Variants in SLC4A5 observed in about 807,000 individuals in gnomAD.
The protein encoded by SLC4A5 is solute carrier family 4 member 5.
A neutral mutation model predicts 120.4 loss-of-function variants in SLC4A5; 96 were observed. The ratio of observed to expected loss-of-function variants is 0.80; its 90% confidence interval spans 0.68 to 0.94. The LOEUF (loss-of-function observed/expected upper bound fraction) is 0.94, where lower values mean the gene tolerates loss of function less well. Among genes scored for constraint, SLC4A5 ranks in the 40% least tolerant of loss-of-function variants. The probability of loss-of-function intolerance (pLI) is 0.00; values close to 1 mark genes in which losing one functional copy is unlikely to be tolerated. For synonymous variants in SLC4A5, 550 were observed against 571.1 expected (o/e 0.96, Z 0.53); for missense variants, 1,259 against 1,459.5 (o/e 0.86, Z 2.24).
chr2:74,220,371 C>T (rs975755149), intron 30 of SLC4A5, among the ~76,000 whole-genome samples: 1 of 152,220 alleles, frequency 6.6e-6, no homozygotes, highest in Non-Finnish European at 1.5e-5. Context: ...CTGATGTTGG[C>T]TTTCCTCCAT....
At chr2:74,278,084 T>C (rs190336328) in intron 8 of SLC4A5, among the ~76,000 whole-genome samples, 107 of 152,296 alleles carry the variant, frequency 7.0e-4, no homozygotes, top group African/African-American at 2.5e-3. Context: ...TATACATGAA[T>C]AGGTAAATCA....
At chr2:74,328,137 T>C in exon 5 of SLC4A5, 1 of 985,918 alleles carries the variant, frequency 1.0e-6, no homozygotes, top group Non-Finnish European at 1.2e-6. Context: ...TTCTTAGCTC[T>C]GGAAACCAGG....
chr2:74,248,717 T>C (rs532009354), intron 17 of SLC4A5, among the ~76,000 whole-genome samples: 1 of 152,350 alleles, frequency 6.6e-6, no homozygotes, highest in South Asian at 2.1e-4. Flanking sequence ...TGTGACTTCC[T>C]TCTGGCACCC....
chr2:74,272,823 C>T (rs113040469), intron 8 of SLC4A5, among the ~76,000 whole-genome samples: 8 of 152,312 alleles, frequency 5.3e-5, no homozygotes, highest in African/African-American at 1.7e-4. Context: ...AGCATCATGG[C>T]GCTAGCTACC....
intron 7 of SLC4A5, among the ~76,000 whole-genome samples, chr2:74,293,971 A>AG (rs1249504226): frequency 6.6e-6 from 1 of 152,228 alleles, no homozygotes; most frequent in East Asian, 1.9e-4. Context: ...GAGTAAAAAA[A>AG]GGCAGGGCAG....
At chr2:74,271,502 C>A (rs1479559624) in intron 8 of SLC4A5, among the ~76,000 whole-genome samples, 1 of 152,066 alleles carries the variant, frequency 6.6e-6, no homozygotes, top group African/African-American at 2.4e-5. Flanking sequence ...GGCTCAGAGC[C>A]TAAAATAATT....
chr2:74,240,393 A>G lies in SLC4A5; in HGVS notation c.2119-858T>C, dbSNP rs545799775. Among the ~76,000 whole-genome samples, 24 of 152,308 alleles carry G rather than the reference A, an allele frequency of 1.6e-4. No homozygotes were observed. In the South Asian group the frequency reaches 4.6e-3, roughly 29 times the overall value. Reference sequence around the variant, plus strand: ...TGGTACATTCTGCTTATGCTGTCCCATAACTTTTCAGGTTCTTCTCTACAA... The same window carrying G: ...TGGTACATTCTGCTTATGCTGTCCCGTAACTTTTCAGGTTCTTCTCTACAA... On this transcript the variant is annotated intron_variant, in intron 20 of 30. Transcript: ENST00000394019.
At chr2:74,342,257 T>A (rs1003755555) in intron 2 of SLC4A5, among the ~76,000 whole-genome samples, 4 of 152,228 alleles carry the variant, frequency 2.6e-5, no homozygotes, top group African/African-American at 9.6e-5. Flanking sequence ...ATGGCCACCA[T>A]CCCTACTTCT....
intron 28 of SLC4A5, among the ~76,000 whole-genome samples, chr2:74,224,437 T>C (rs976236313): frequency 6.6e-6 from 1 of 152,174 alleles, no homozygotes; most frequent in African/African-American, 2.4e-5. Context: ...AGTCTACTTA[T>C]AAGGCCCCAT....
intron 19 of SLC4A5, among the ~76,000 whole-genome samples, chr2:74,246,099 CTT>C (rs2103968530): frequency 6.6e-6 from 1 of 152,302 alleles, no homozygotes; most frequent in Non-Finnish European, 1.5e-5. Flanking sequence ...ACTGAAAGCT[CTT>C]AGGGGCATGA....
intron 8 of SLC4A5, among the ~76,000 whole-genome samples, chr2:74,275,553 C>T (rs1262219190): frequency 1.3e-5 from 2 of 152,224 alleles, no homozygotes; most frequent in Non-Finnish European, 2.9e-5. Context: ...CTCTCTTCCA[C>T]CTCTGCTATT....
At position 74,292,455 on chromosome 2, in the gene SLC4A5, C is replaced by T. The variant is rs184817555; in HGVS notation, c.272-6553G>A. Among the ~76,000 whole-genome samples the T allele has an allele frequency of 2.6e-4, 39 of 152,292 alleles. No individual in the cohort carries two copies. In the East Asian group the frequency reaches 6.2e-3, roughly 24 times the overall value. On this transcript the variant is annotated intron_variant, in intron 7 of 30. Transcript: ENST00000394019. ...GGGTCAGGGTTTCTCTAATGCCCTG[C>T]GGATCCCACATGTGTGCAGCACGTC... is the stretch of plus-strand genomic sequence containing the variant.
intron 6 of SLC4A5, among the ~76,000 whole-genome samples, chr2:74,305,566 C>A (rs1672615232): frequency 6.6e-6 from 1 of 152,016 alleles, no homozygotes; most frequent in Admixed American, 6.6e-5. Flanking sequence ...TTAAAGTTTA[C>A]TCTTCTATTG....
intron 5 of SLC4A5, among the ~76,000 whole-genome samples, chr2:74,316,663 C>G (rs1356379126): frequency 6.6e-6 from 1 of 152,222 alleles, no homozygotes; most frequent in African/African-American, 2.4e-5. Context: ...AAACTGTGTC[C>G]TAACTGCCAC....
intron 8 of SLC4A5, among the ~76,000 whole-genome samples, chr2:74,271,408 A>G (rs1363518665): frequency 6.6e-6 from 1 of 152,160 alleles, no homozygotes; most frequent in East Asian, 1.9e-4. Flanking sequence ...CATATCCTAG[A>G]CCAGTTGACA....
intron 7 of SLC4A5, among the ~76,000 whole-genome samples, chr2:74,288,441 T>C (rs1672054471): frequency 6.6e-6 from 1 of 152,240 alleles, no homozygotes; most frequent in Non-Finnish European, 1.5e-5. Context: ...AGCTATGGTC[T>C]GGCTTATCTC....
intron 7 of SLC4A5, among the ~76,000 whole-genome samples, chr2:74,296,080 T>C (rs1405855676): frequency 2.0e-5 from 3 of 152,142 alleles, no homozygotes; most frequent in Admixed American, 2.0e-4. Flanking sequence ...CCCCTTAAGG[T>C]CTTAAGGTCA....
intron 7 of SLC4A5, among the ~76,000 whole-genome samples, chr2:74,292,695 AATGATCTAGTGGCCT>A (rs1275092053): frequency 6.6e-6 from 1 of 152,088 alleles, no homozygotes; most frequent in Non-Finnish European, 1.5e-5. Flanking sequence ...CTTAGCACAA[AATGATCTAGTGGCCT>A]GCAAACTAGC....
intron 8 of SLC4A5, among the ~76,000 whole-genome samples, chr2:74,276,364 C>T (rs774437343): frequency 6.6e-6 from 1 of 152,190 alleles, no homozygotes; most frequent in Non-Finnish European, 1.5e-5. Flanking sequence ...ATCCCCTCAA[C>T]TATTTTTGGA....
Sources: gnomAD v4.1 joint callset for allele counts (sites outside exome capture counted in the v4.1 genomes callset) on GRCh38, gnomAD v4.1.1 for gene constraint, MANE v1.5 for transcripts, NCBI Gene and HGNC (gene_info 2026-07-23, HGNC 2026-07-21) for gene names.